The following PRKCE variants were observed in gnomAD, a reference collection of about 807,000 sequenced individuals.
The protein encoded by PRKCE is protein kinase C epsilon type.
PRKCE carries 16 observed loss-of-function variants against 85.4 expected under a neutral mutation model. That is an observed-to-expected ratio of 0.19 (90% CI 0.13 to 0.28). PRKCE has a LOEUF of 0.28. PRKCE is among the 10% of genes least tolerant of loss of function. The pLI, the probability that PRKCE is intolerant of heterozygous loss-of-function variation, is 1.00. For synonymous variants in PRKCE, 388 were observed against 371.5 expected (o/e 1.04, Z -0.51); for missense variants, 573 against 975.2 (o/e 0.59, Z 5.49).
chr2:45,986,266 G>C (rs1703314919), intron 6 of PRKCE, among the ~76,000 whole-genome samples: 1 of 152,260 alleles, frequency 6.6e-6, no homozygotes, highest in African/African-American at 2.4e-5. Flanking sequence ...GTCTTAGTGG[G>C]ACAGTGGGAT....
intron 10 of PRKCE, among the ~76,000 whole-genome samples, chr2:46,084,149 T>G: frequency 6.6e-6 from 1 of 152,092 alleles, no homozygotes. Flanking sequence ...GAAAACGAGG[T>G]AGGCTTTGAA....
intron 1 of PRKCE, among the ~76,000 whole-genome samples, chr2:45,685,028 C>T (rs1430365597): frequency 1.3e-5 from 2 of 152,154 alleles, no homozygotes; most frequent in Non-Finnish European, 2.9e-5. Context: ...GCCCTTCTTT[C>T]ACTTTGTGGT....
In PRKCE at chr2:45,957,868, T is replaced by C. The variant is rs146766019; in HGVS notation, c.413-18561T>C. Among the ~76,000 whole-genome samples, 213 of 151,302 alleles carry C rather than the reference T, an allele frequency of 1.4e-3. 8 individuals carry two copies. The East Asian group carries it at 0.035, about 25-fold the overall frequency. On this transcript the variant is annotated intron_variant, in intron 2 of 14. Transcript: ENST00000306156. ...TCAAGGCTGCAGTGAGCTGTGATTA[T>C]GCCACTGCACTAGATCCAGCCTAGG...
intron 1 of PRKCE, among the ~76,000 whole-genome samples, chr2:45,672,302 C>T (rs1676209665): frequency 6.6e-6 from 1 of 151,964 alleles, no homozygotes; most frequent in Non-Finnish European, 1.5e-5. Flanking sequence ...ATTCATCCAT[C>T]TCTATATCCA....
intron 1 of PRKCE, among the ~76,000 whole-genome samples, chr2:45,826,928 A>C (rs939619805): frequency 1.8e-4 from 28 of 152,296 alleles, no homozygotes; most frequent in African/African-American, 6.7e-4. Flanking sequence ...TGTCTGGACT[A>C]TTGCCATAGG....
At chr2:46,090,165 C>T (rs1386602869) in intron 11 of PRKCE, among the ~76,000 whole-genome samples, 2 of 152,162 alleles carry the variant, frequency 1.3e-5, no homozygotes, top group African/African-American at 4.8e-5. Flanking sequence ...TAATCATAAA[C>T]ACAGATTCCA....
At chr2:45,903,189 A>G (rs550026899) in intron 2 of PRKCE, among the ~76,000 whole-genome samples, 1 of 152,364 alleles carries the variant, frequency 6.6e-6, no homozygotes, top group South Asian at 2.1e-4. Flanking sequence ...GAGGGACTTC[A>G]TTAAATAAGT....
At chr2:45,899,695 T>G (rs1696427104) in intron 2 of PRKCE, among the ~76,000 whole-genome samples, 1 of 152,184 alleles carries the variant, frequency 6.6e-6, no homozygotes, top group Non-Finnish European at 1.5e-5. Flanking sequence ...TTCCAAGTTT[T>G]AATGGCCAAC....
chr2:45,688,376 A>C (rs977382395), intron 1 of PRKCE, among the ~76,000 whole-genome samples: 3 of 152,194 alleles, frequency 2.0e-5, no homozygotes, highest in African/African-American at 7.2e-5. Context: ...ATGGATGTTC[A>C]AACTTTGGTT....
Position 45,911,438 on chromosome 2 carries a change from T to C in PRKCE, c.413-64991T>C, listed in dbSNP as rs112334917. On this transcript the variant is annotated intron_variant, in intron 2 of 14. Transcript: ENST00000306156. ...GCAGAGTCTCTTGAGGGTCCAAAAA[T>C]CCCAGATGTGGCTTGAAGCAGCTGT... 3.0e-3 allele frequency among the ~76,000 whole-genome samples: 460 copies of C among 152,312 alleles called. 3 individuals are homozygous for C. The highest frequency in any genetic ancestry group is 0.011 in the African/African-American group (438 of 41,570).
At chr2:45,974,007 G>C (rs951995518) in intron 2 of PRKCE, among the ~76,000 whole-genome samples, 1 of 152,174 alleles carries the variant, frequency 6.6e-6, no homozygotes, top group Admixed American at 6.5e-5. Context: ...AGGAGTTAAG[G>C]GTGCTCTTTT....
chr2:46,133,576 T>A (rs554278914), intron 11 of PRKCE, among the ~76,000 whole-genome samples: 18 of 152,350 alleles, frequency 1.2e-4, no homozygotes, highest in African/African-American at 4.1e-4. Context: ...GCTGCCAATT[T>A]GATGGACGCT....
rs148221345 is a variant in PRKCE at position 46,104,235 on chromosome 2, G to A, written c.1592+17873G>A. 6.4e-3 allele frequency among the ~76,000 whole-genome samples: 964 copies of A among 149,956 alleles called. 18 individuals are homozygous for A. Among genetic ancestry groups the A allele is most frequent in the African/African-American group, 0.022 (893 of 40,666 alleles). ...GTAACCTTCTGATAATTCTTCTGAT[G>A]TGATGTCTATTAGCTCTTGAATTAC... On this transcript the variant is annotated intron_variant, in intron 11 of 14. Transcript: ENST00000306156.
chr2:45,956,881 T>C (rs1701010635), intron 2 of PRKCE, among the ~76,000 whole-genome samples: 2 of 152,216 alleles, frequency 1.3e-5, no homozygotes, highest in Admixed American at 1.3e-4. Flanking sequence ...TCGTTTTAAT[T>C]TGCCTTTTTC....
chr2:46,142,187 T>C (rs1444451994), intron 11 of PRKCE, among the ~76,000 whole-genome samples: 1 of 152,156 alleles, frequency 6.6e-6, no homozygotes, highest in Non-Finnish European at 1.5e-5. Flanking sequence ...CACCCACCCC[T>C]GAGCCATCAT....
At chr2:45,836,846 G>T (rs1690922438) in intron 1 of PRKCE, among the ~76,000 whole-genome samples, 1 of 152,160 alleles carries the variant, frequency 6.6e-6, no homozygotes, top group Non-Finnish European at 1.5e-5. Flanking sequence ...ATCCTTTCTG[G>T]ATTCATCTTT....
At chr2:45,865,698 GTC>G (rs958776478) in intron 2 of PRKCE, among the ~76,000 whole-genome samples, 7 of 152,254 alleles carry the variant, frequency 4.6e-5, no homozygotes, top group African/African-American at 1.7e-4. Flanking sequence ...CCCCTGTGGA[GTC>G]TCACAATATT....
chr2:45,824,334 GC>G (rs1269176731), intron 1 of PRKCE, among the ~76,000 whole-genome samples: 2 of 152,196 alleles, frequency 1.3e-5, no homozygotes, highest in Non-Finnish European at 2.9e-5. Flanking sequence ...TCTTTCCAAA[GC>G]CCTTACCATT....
At chr2:46,017,630 G>C (rs1706279111) in intron 10 of PRKCE, among the ~76,000 whole-genome samples, 1 of 152,160 alleles carries the variant, frequency 6.6e-6, no homozygotes. Context: ...CCGCTATACT[G>C]TTTTCCATAA....
Sources: allele counts gnomAD v4.1 joint callset (sites outside exome capture counted in the v4.1 genomes callset), GRCh38; gene constraint gnomAD v4.1.1; transcripts MANE v1.5; gene names NCBI Gene and HGNC (gene_info 2026-07-23, HGNC 2026-07-21).